PLEKHG4B: variants seen among roughly 807,000 people sequenced by gnomAD.
PLEKHG4B encodes pleckstrin homology and RhoGEF domain containing G4B, also known as pleckstrin homology domain-containing family G member 4B.
PLEKHG4B carries 111 observed loss-of-function variants against 121.3 expected under a neutral mutation model. The observed-to-expected ratio is 0.92, with a 90% CI of 0.78 to 1.07. The LOEUF is 1.07. Among genes scored for constraint, PLEKHG4B ranks in the 50% least tolerant of loss-of-function variants. PLEKHG4B has a pLI of 0.00. For missense variants in PLEKHG4B, 1,831 were observed against 1,757.8 expected (o/e 1.04, Z -0.74); for synonymous variants, 738 against 725.0 (o/e 1.02, Z -0.29).
At chr5:140,787 C>T in intron 3 of PLEKHG4B, 71 bp downstream of exon 3, 3 of 1,311,396 alleles carry the variant, frequency 2.3e-6, no homozygotes, top group African/African-American at 1.7e-5. Context: ...TCTCCCCCTG[C>T]ACACCCCACC....
intron 14 of PLEKHG4B, 42 bp from the exon 15 acceptor site, chr5:171,000 GC>G (rs943414152): frequency 2.1e-5 from 32 of 1,532,246 alleles, no homozygotes; most frequent in Non-Finnish European, 2.7e-5. Flanking sequence ...CTGTCTCTGG[GC>G]CTGTCACTCC....
At chr5:109,840 G>A (rs956059833) in intron 1 of PLEKHG4B, among the ~76,000 whole-genome samples, 8 of 152,282 alleles carry the variant, frequency 5.3e-5, no homozygotes, top group Non-Finnish European at 7.4e-5. Context: ...AGGGACTGGC[G>A]GGCACCGGAA....
intron 1 of PLEKHG4B, among the ~76,000 whole-genome samples, chr5:99,048 C>T (rs760889921): frequency 1.0e-3 from 145 of 145,300 alleles, no homozygotes; most frequent in Non-Finnish European, 1.8e-3. Flanking sequence ...CCCAGCTACT[C>T]GGGAGGCTGA....
rs1291443514 is a variant in PLEKHG4B, at chr5:183,394, C to T, written c.*1071C>T. ...GAGTCGCCTGGCAAAGCCAACCACCCAGAGCCAGCGTCTGTGCTAGAATCA... is the reference window on the plus strand; with the variant it reads ...GAGTCGCCTGGCAAAGCCAACCACCTAGAGCCAGCGTCTGTGCTAGAATCA... On this transcript the variant is annotated 3_prime_UTR_variant, in exon 20 of 20. Coordinates refer to ENST00000637938, the MANE Select transcript of PLEKHG4B (RefSeq NM_052909.5). 6.6e-6 allele frequency: 1 copy of T among 152,238 alleles called. No homozygotes were observed. The highest frequency in any genetic ancestry group is 1.9e-4 in the East Asian group (1 of 5,198). 9.4% of individuals were successfully genotyped at this position (152,238 alleles called of 1,614,324 possible). A position where few individuals can be genotyped will look rare whatever the true frequency, so the allele number is the denominator to read the frequency against.
chr5:100,875 T>C (rs373968357), intron 1 of PLEKHG4B, among the ~76,000 whole-genome samples: 1,415 of 90,298 alleles, frequency 0.016, no homozygotes, highest in African/African-American at 0.048. Context: ...CTGGAAAAAG[T>C]CTGTAGGGGA....
chr5:146,542 C>T (rs1735422158), intron 6 of PLEKHG4B, among the ~76,000 whole-genome samples: 1 of 143,800 alleles, frequency 7.0e-6, no homozygotes, highest in South Asian at 2.4e-4. Flanking sequence ...TCTTCCCCAA[C>T]CTAAAGTCCT....
chr5:173,108 G>A, intron 17 of PLEKHG4B, 41 bp downstream of exon 17: 2 of 1,597,232 alleles, frequency 1.3e-6, no homozygotes, highest in Non-Finnish European at 1.7e-6. Context: ...GCCGAGCCAG[G>A]CCCTCCAAGG....
intron 12 of PLEKHG4B, 44 bp from the exon 13 acceptor site, chr5:162,678 G>GCC: frequency 7.6e-7 from 1 of 1,308,660 alleles, no homozygotes; most frequent in Non-Finnish European, 9.8e-7. Context: ...CTCCAGGGCA[G>GCC]CCCCTCCTCC....
chr5:135,706 T>A lies in PLEKHG4B; in HGVS notation c.244-3777T>A, dbSNP rs1213112421. Among the ~76,000 whole-genome samples the A allele has an allele frequency of 4.7e-4, 45 of 95,346 alleles. 1 individual carries two copies. The highest frequency in any genetic ancestry group is 1.1e-3 in the African/African-American group (21 of 19,408). The allele number at this position is 95,346 out of a possible 152,430, so 62.6% of individuals were successfully genotyped here. A position where few individuals can be genotyped will look rare whatever the true frequency, so the allele number is the denominator to read the frequency against. Reference sequence around the variant, plus strand: ...AAATATATATATATATATATATATATATATATATATATATATATATATGTA... The same window carrying A: ...AAATATATATATATATATATATATAAATATATATATATATATATATATGTA... On this transcript the variant is annotated intron_variant, in intron 2 of 19. Coordinates refer to ENST00000637938, the MANE Select transcript of PLEKHG4B (RefSeq NM_052909.5).
intron 2 of PLEKHG4B, among the ~76,000 whole-genome samples, chr5:127,348 T>TATTATTATTATC: frequency 6.9e-6 from 1 of 145,222 alleles, no homozygotes; most frequent in Non-Finnish European, 1.5e-5. Flanking sequence ...TTTTTATTAT[T>TATTATTATTATC]ATTATTATTA....
At chr5:111,959 C>G (rs559709508) in intron 1 of PLEKHG4B, among the ~76,000 whole-genome samples, 1 of 149,438 alleles carries the variant, frequency 6.7e-6, no homozygotes, top group South Asian at 2.1e-4. Flanking sequence ...CTGTGTGACC[C>G]TGGCCTGAGA....
Position 169,682 on chromosome 5 carries a change from CG to C in PLEKHG4B, c.3729+92del, listed in dbSNP as rs372040430. ...GGGCCTACAGGGCCCACGTGTCAGG[CG>C]GTTGGAATAGCTTCAGTCCAGGTCT... On this transcript the variant is annotated intron_variant, in intron 14 of 19. Coordinates refer to ENST00000637938, the MANE Select transcript of PLEKHG4B (RefSeq NM_052909.5). 1,699 of 1,545,800 alleles carry C rather than the reference CG, an allele frequency of 1.1e-3. 20 individuals are homozygous for C. In the African/African-American group the frequency reaches 0.021, roughly 19 times the overall value.
chr5:136,914 G>C (rs1307630490), intron 2 of PLEKHG4B, among the ~76,000 whole-genome samples: 1 of 152,186 alleles, frequency 6.6e-6, no homozygotes, highest in African/African-American at 2.4e-5. Context: ...TACCCGTGTT[G>C]ATAGCAGCAT....
chr5:102,135 C>G (rs1287287679), intron 1 of PLEKHG4B, among the ~76,000 whole-genome samples: 2 of 151,418 alleles, frequency 1.3e-5, no homozygotes, highest in Non-Finnish European at 2.9e-5. Context: ...ATATAAAGCC[C>G]TGGAAAAAGC....
intron 2 of PLEKHG4B, among the ~76,000 whole-genome samples, chr5:116,725 A>G (rs1241078273): frequency 6.6e-6 from 1 of 152,234 alleles, no homozygotes; most frequent in Non-Finnish European, 1.5e-5. Context: ...CTGAAATTGA[A>G]TTAGGGCGTT....
At chr5:162,588 G>A (rs947406182) in intron 12 of PLEKHG4B, 134 bp from the exon 13 acceptor site, 25 of 606,906 alleles carry the variant, frequency 4.1e-5, no homozygotes, top group Non-Finnish European at 6.0e-5. Flanking sequence ...CCACTGGGTG[G>A]CGGGACTGCC....
intron 17 of PLEKHG4B, among the ~76,000 whole-genome samples, chr5:173,315 A>C (rs1262545655): frequency 6.6e-6 from 1 of 151,998 alleles, no homozygotes; most frequent in African/African-American, 2.4e-5. Context: ...ACAAGTGCCT[A>C]CTCAGTCAGT....
rs917994288 is a variant in PLEKHG4B, at chr5:156,249, C to G, written c.2348+39C>G. 7.1e-7 allele frequency: 1 copy of G among 1,402,788 alleles called. No individual in the cohort carries two copies. The highest frequency in any genetic ancestry group is 2.6e-5 in the Admixed American group (1 of 38,952). The allele number at this position is 1,402,788 out of a possible 1,614,324, so 86.9% of individuals were successfully genotyped here. On this transcript the variant is annotated intron_variant, in intron 10 of 19. Coordinates refer to ENST00000637938, the MANE Select transcript of PLEKHG4B (RefSeq NM_052909.5). This position sits in a 1 kb window ranked among gnomAD's most constrained non-coding sequence, Gnocchi z 4.4. ...GGGGTCATGCTGGGCCCTGGCCCAT[C>G]GAGGGAGCTGCTCGGGGGAGTTTGC... is the stretch of plus-strand genomic sequence containing the variant.
Position 173,883 on chromosome 5 carries a change from C to G in PLEKHG4B, c.4222-35C>G, listed in dbSNP as rs776972722. The G allele has an allele frequency of 1.9e-6, 3 of 1,602,136 alleles. No homozygotes were observed. In the South Asian group the frequency reaches 3.4e-5, roughly 18 times the overall value. On this transcript the variant is annotated intron_variant, in intron 17 of 19. Transcript: ENST00000637938. Reference sequence around the variant, plus strand: ...AGCCAGTTGTTCAGAGACCATGTTCCTGATGGTGCTGCAATGGGTGTTTGC... The same window carrying G: ...AGCCAGTTGTTCAGAGACCATGTTCGTGATGGTGCTGCAATGGGTGTTTGC...
Sources: allele counts gnomAD v4.1 joint callset (sites outside exome capture counted in the v4.1 genomes callset), GRCh38; gene constraint gnomAD v4.1.1; non-coding constraint Gnocchi (gnomAD v3.1); transcripts MANE v1.5; gene names NCBI Gene and HGNC (gene_info 2026-07-23, HGNC 2026-07-21).